MROH1: variants seen among roughly 807,000 people sequenced by gnomAD.
MROH1 encodes the protein maestro heat-like repeat-containing protein family member 1.
MROH1 carries 117 observed loss-of-function variants against 116.5 expected under a neutral mutation model. The observed-to-expected ratio is 1.00, with a 90% CI of 0.86 to 1.17. The LOEUF (loss-of-function observed/expected upper bound fraction) is 1.17, where lower values mean the gene tolerates loss of function less well. Among genes scored for constraint, MROH1 ranks in the 50% most tolerant of loss-of-function variants. MROH1 has a pLI of 0.00. For synonymous variants in MROH1, 921 were observed against 583.9 expected (o/e 1.58, Z -8.32); for missense variants, 1,873 against 1,338.5 (o/e 1.40, Z -6.23).
Position 144,238,825 on chromosome 8 carries a change from C to T in MROH1, c.1408C>T (p.Leu470Phe), listed in dbSNP as rs1277471134. 2.6e-6 allele frequency: 2 copies of T among 774,994 alleles called. No homozygotes were observed. The highest frequency in any genetic ancestry group is 2.4e-6 in the Non-Finnish European group (1 of 417,840). The allele number at this position is 774,994 out of a possible 1,614,324, so 48.0% of individuals were successfully genotyped here. The change falls in exon 15 of 44, where the codon CTC (leucine) becomes TTC (phenylalanine). Residue 470 changes from leucine to phenylalanine, a missense_variant. Transcript: ENST00000326134. ...CGTGCGGGCCATCAGCGTGCGCACC[C>T]TCTACCTGGTCAGCACCACCGTGGA... is the stretch of plus-strand genomic sequence containing the variant. ...DSVRAISVRT[L>F]YLVSTTVDRM...
intron 4 of MROH1, 90 bp from the exon 5 acceptor site, chr8:144,179,365 C>A: frequency 1.3e-6 from 2 of 1,538,762 alleles, no homozygotes; most frequent in Non-Finnish European, 1.8e-6. Flanking sequence ...GAGATTTGTG[C>A]GGTTTCATCT....
intron 31 of MROH1, among the ~76,000 whole-genome samples, chr8:144,247,924 C>T (rs1472055889): frequency 6.6e-6 from 1 of 152,250 alleles, no homozygotes; most frequent in African/African-American, 2.4e-5. Context: ...GTCTTGAGAC[C>T]TGGCAGAGGC....
chr8:144,154,754 G>T (rs965355523), intron 1 of MROH1, among the ~76,000 whole-genome samples: 2 of 146,928 alleles, frequency 1.4e-5, no homozygotes, highest in African/African-American at 5.1e-5. Context: ...TGCAACCTCC[G>T]CCTCCTGGGT....
Position 144,180,622 on chromosome 8 carries a change from C to T in MROH1, c.562+99C>T, listed in dbSNP as rs1825372978. 2 of 1,174,820 alleles carry T rather than the reference C, an allele frequency of 1.7e-6. No homozygotes were observed. Among genetic ancestry groups the T allele is most frequent in the East Asian group, 2.6e-5 (1 of 38,288 alleles). The allele number at this position is 1,174,820 out of a possible 1,614,324, so 72.8% of individuals were successfully genotyped here. A position where few individuals can be genotyped will look rare whatever the true frequency, so the allele number is the denominator to read the frequency against. On this transcript the variant is annotated intron_variant, in intron 7 of 43. Transcript: ENST00000326134. This position sits in a 1 kb window ranked among gnomAD's most constrained non-coding sequence, Gnocchi z 7.4. ...AGGGGGGACAGGTGGGCACTTTAGGCTGCAGGAAGGGGGGCTGTTGGAGGG... is the reference window on the plus strand; with the variant it reads ...AGGGGGGACAGGTGGGCACTTTAGGTTGCAGGAAGGGGGGCTGTTGGAGGG...
chr8:144,249,067 A>G, intron 32 of MROH1, 38 bp downstream of exon 32: 1 of 697,648 alleles, frequency 1.4e-6, no homozygotes, highest in Non-Finnish European at 2.7e-6. Flanking sequence ...CTCCAGGAGA[A>G]GGTGGGAGAG....
rs1044851870 is a variant in MROH1 at position 144,149,017 on chromosome 8, C to T, written c.-177+941C>T. ...CGCACACGATGCGGTAAGAGGCAGGCAGGGTAGGGCCGGTGATAAGTCAGG... is the reference window on the plus strand; with the variant it reads ...CGCACACGATGCGGTAAGAGGCAGGTAGGGTAGGGCCGGTGATAAGTCAGG... On this transcript the variant is annotated intron_variant, in intron 1 of 43. Transcript: ENST00000326134. The T allele has an allele frequency of 7.2e-5, 11 of 152,746 alleles. No homozygotes were observed. In the South Asian group the frequency reaches 1.2e-3, roughly 17 times the overall value. 9.5% of individuals were successfully genotyped at this position (152,746 alleles called of 1,614,324 possible).
intron 24 of MROH1, 33 bp from the exon 25 acceptor site, chr8:144,243,461 G>A (rs1309285019): frequency 1.7e-5 from 13 of 777,224 alleles, no homozygotes; most frequent in Non-Finnish European, 2.4e-5. Context: ...GAGGGCGGGC[G>A]TGGGCGTCTC....
intron 35 of MROH1, among the ~76,000 whole-genome samples, chr8:144,258,268 C>G (rs1004432638): frequency 2.0e-5 from 3 of 152,222 alleles, no homozygotes. Flanking sequence ...ACGCCAGCAG[C>G]CCCTCCAGCT....
chr8:144,206,402 C>T (rs970887547), intron 12 of MROH1, among the ~76,000 whole-genome samples: 1 of 151,374 alleles, frequency 6.6e-6, no homozygotes, highest in Admixed American at 6.6e-5. Context: ...TTCCTGTTAA[C>T]AGACACTTGG....
chr8:144,196,272 A>G (rs1266064985), intron 10 of MROH1, among the ~76,000 whole-genome samples: 1 of 147,982 alleles, frequency 6.8e-6, no homozygotes, highest in Non-Finnish European at 1.5e-5. Context: ...CCCGGGTGAC[A>G]GAGTGAGATT....
At chr8:144,254,720 C>A (rs1049579390) in intron 33 of MROH1, 93 bp from the exon 34 acceptor site, 2 of 657,830 alleles carry the variant, frequency 3.0e-6, no homozygotes, top group African/African-American at 1.8e-5. Flanking sequence ...TGTGTCTGAG[C>A]GTCGTGGAGC....
chr8:144,163,686 T>C lies in MROH1; in HGVS notation c.-56-85T>C. The stretch of plus-strand genomic sequence containing the variant: ...CCAGAATAAATTCATTTAAATTGTG[T>C]ATTTTACATGGAAATGGTAATTGCC... On this transcript the variant is annotated intron_variant, in intron 2 of 43. Coordinates refer to ENST00000326134, the MANE Select transcript of MROH1 (RefSeq NM_032450.3). The surrounding 1 kb of genome is among the most constrained non-coding windows in gnomAD (Gnocchi z 4.4). 1.3e-6 allele frequency: 1 copy of C among 799,752 alleles called. No individual in the cohort carries two copies. Among genetic ancestry groups the C allele is most frequent in the South Asian group, 1.9e-5 (1 of 53,126 alleles). 49.5% of individuals were successfully genotyped at this position (799,752 alleles called of 1,614,324 possible).
At position 144,259,785 on chromosome 8, in the gene MROH1, G is replaced by A. The variant is rs560813237; in HGVS notation, c.4045-126G>A. 3.1e-3 allele frequency: 2,190 copies of A among 695,912 alleles called. 35 individuals are homozygous for A. The African/African-American group carries it at 0.035, about 11-fold the overall frequency. The allele number at this position is 695,912 out of a possible 1,614,324, so 43.1% of individuals were successfully genotyped here. A position where few individuals can be genotyped will look rare whatever the true frequency, so the allele number is the denominator to read the frequency against. Reference sequence around the variant, plus strand: ...GGTCGCCACTGATCGGAGACCCAGGGAGTAGGTGCTCCACCTCTGTCTGCC... The same window carrying A: ...GGTCGCCACTGATCGGAGACCCAGGAAGTAGGTGCTCCACCTCTGTCTGCC... On this transcript the variant is annotated intron_variant, in intron 37 of 43. Transcript: ENST00000326134.
intron 12 of MROH1, among the ~76,000 whole-genome samples, chr8:144,202,887 A>T (rs868200229): frequency 7.0e-5 from 3 of 43,060 alleles, no homozygotes; most frequent in African/African-American, 3.3e-4. Context: ...GTGGAGGGGC[A>T]GGGAAGGAAG....
chr8:144,238,731 G>A (rs986619320), intron 14 of MROH1, 25 bp from the exon 15 acceptor site: 5 of 768,042 alleles, frequency 6.5e-6, no homozygotes, highest in Middle Eastern at 3.5e-4. Flanking sequence ...GCCCACGCAC[G>A]CCTTTGCCTT....
intron 4 of MROH1, 150 bp from the exon 5 acceptor site, chr8:144,179,305 G>A: frequency 2.6e-6 from 3 of 1,167,158 alleles, no homozygotes; most frequent in African/African-American, 1.5e-5. Context: ...CGGCTTTTAG[G>A]GCGTGAGGAG....
intron 12 of MROH1, among the ~76,000 whole-genome samples, chr8:144,206,075 G>T (rs1167589520): frequency 6.6e-6 from 1 of 152,180 alleles, no homozygotes; most frequent in Non-Finnish European, 1.5e-5. Context: ...CACAGCGCAG[G>T]CTTGTGCTCT....
chr8:144,176,427 T>C (rs1166203914), intron 4 of MROH1, among the ~76,000 whole-genome samples: 3 of 151,034 alleles, frequency 2.0e-5, no homozygotes, highest in Non-Finnish European at 4.4e-5. Context: ...TCCCAGCTAC[T>C]TGAGAGGTTG....
chr8:144,151,179 C>T (rs934221094), intron 1 of MROH1, among the ~76,000 whole-genome samples: 1 of 128,296 alleles, frequency 7.8e-6, no homozygotes, highest in African/African-American at 3.0e-5. Context: ...ACCTGGGAGG[C>T]GGAGGTTACA....
Sources: gnomAD v4.1 joint callset for allele counts (sites outside exome capture counted in the v4.1 genomes callset) on GRCh38, gnomAD v4.1.1 for gene constraint, Gnocchi (gnomAD v3.1) non-coding constraint, MANE v1.5 for transcripts, NCBI Gene and HGNC (gene_info 2026-07-23, HGNC 2026-07-21) for gene names.